The following ILRUN variants were observed in gnomAD, a reference collection of about 807,000 sequenced individuals.
ILRUN encodes the protein protein ILRUN.
ILRUN carries 3 observed loss-of-function variants against 33.8 expected under a neutral mutation model. The observed-to-expected ratio is 0.09, with a 90% CI of 0.04 to 0.23. ILRUN has a LOEUF of 0.23. Among genes scored for constraint, ILRUN ranks in the 10% least tolerant of loss-of-function variants. The probability of loss-of-function intolerance (pLI) is 1.00; values close to 1 mark genes in which losing one functional copy is unlikely to be tolerated. For missense variants in ILRUN, 210 were observed against 375.1 expected (o/e 0.56, Z 3.64); for synonymous variants, 124 against 138.9 (o/e 0.89, Z 0.75).
intron 2 of ILRUN, among the ~76,000 whole-genome samples, chr6:34,648,184 T>C (rs1762596584): frequency 6.6e-6 from 1 of 152,208 alleles, no homozygotes; most frequent in Admixed American, 6.5e-5. Context: ...AACTTCTATA[T>C]ATCTTTTTTT....
chr6:34,655,584 G>T (rs529880829), intron 1 of ILRUN, among the ~76,000 whole-genome samples: 77 of 152,212 alleles, frequency 5.1e-4, no homozygotes, highest in African/African-American at 1.8e-3. Context: ...CCACTATACA[G>T]ATGGATCATC....
At chr6:34,692,875 C>T (rs966372098) in intron 1 of ILRUN, among the ~76,000 whole-genome samples, 2 of 151,796 alleles carry the variant, frequency 1.3e-5, no homozygotes, top group South Asian at 4.2e-4. Context: ...GCACATTACC[C>T]GTCTGACATG....
rs922111621 is a variant in ILRUN at position 34,637,698 on chromosome 6, A to G, written c.511+8903T>C. On this transcript the variant is annotated intron_variant, in intron 3 of 4. Coordinates refer to ENST00000374023, the MANE Select transcript of ILRUN (RefSeq NM_024294.4). The stretch of plus-strand genomic sequence containing the variant: ...ATGCTTTACTGCCTAGACATTCAAT[A>G]TCTTGCTAATTACTATACTTTACAA... Among the ~76,000 whole-genome samples the G allele has an allele frequency of 3.9e-5, 6 of 152,306 alleles. No individual in the cohort carries two copies. In the East Asian group the frequency reaches 5.8e-4, roughly 15 times the overall value.
intron 1 of ILRUN, among the ~76,000 whole-genome samples, chr6:34,655,290 T>C (rs1241345203): frequency 2.6e-5 from 4 of 152,182 alleles, no homozygotes; most frequent in Non-Finnish European, 4.4e-5. Flanking sequence ...AGCTTCACTT[T>C]TTAAAATAAA....
intron 4 of ILRUN, among the ~76,000 whole-genome samples, chr6:34,598,935 GT>G (rs1267255844): frequency 6.6e-6 from 1 of 152,188 alleles, no homozygotes; most frequent in East Asian, 1.9e-4. Context: ...GGTACACAGT[GT>G]GCTAATCTGC....
At chr6:34,624,331 T>C (rs187821235) in intron 3 of ILRUN, among the ~76,000 whole-genome samples, 1 of 152,200 alleles carries the variant, frequency 6.6e-6, no homozygotes, top group Non-Finnish European at 1.5e-5. Context: ...TTTTTATTTT[T>C]TTATTTTTTT....
At chr6:34,695,614 A>G (rs1382095159) in intron 1 of ILRUN, among the ~76,000 whole-genome samples, 1 of 152,152 alleles carries the variant, frequency 6.6e-6, no homozygotes, top group Non-Finnish European at 1.5e-5. Context: ...TCTTTCAGAT[A>G]AGCCCCTCTC....
Position 34,696,596 on chromosome 6 carries a change from C to T in ILRUN, c.8G>A (p.Gly3Asp). ...CTCCGGGTCCAGGTCTACGTCCATG[C>T]CCTCCATGGCGGGGACCGGACACCC... MEGMDVDLDPELM... is the reference protein window; with the variant it reads MEDMDVDLDPELM... Residue 3 changes from glycine to aspartate, a missense_variant, in exon 1 of 5, where the codon GGC (glycine) becomes GAC (aspartate). Transcript: ENST00000374023. 3 of 1,607,236 alleles carry T rather than the reference C, an allele frequency of 1.9e-6. No individual in the cohort carries two copies. Among genetic ancestry groups the T allele is most frequent in the Non-Finnish European group, 2.5e-6 (3 of 1,178,206 alleles).
chr6:34,684,780 C>T (rs1763479679), intron 1 of ILRUN, among the ~76,000 whole-genome samples: 1 of 152,212 alleles, frequency 6.6e-6, no homozygotes, highest in South Asian at 2.1e-4. Context: ...CAAAAGTTTA[C>T]GTGGGAATGA....
chr6:34,630,630 C>T (rs1291465562), intron 3 of ILRUN, among the ~76,000 whole-genome samples: 1 of 152,186 alleles, frequency 6.6e-6, no homozygotes, highest in African/African-American at 2.4e-5. Flanking sequence ...GATCCGCCCG[C>T]CTTGGCCTCC....
intron 2 of ILRUN, among the ~76,000 whole-genome samples, chr6:34,648,641 C>T (rs1762603520): frequency 6.6e-6 from 1 of 152,120 alleles, no homozygotes; most frequent in South Asian, 2.1e-4. Context: ...GCCTATTTGT[C>T]TTACAACAAG....
At position 34,662,124 on chromosome 6, in the gene ILRUN, CAAAAAAAAAAAAAAAAAAA is replaced by C. The variant is rs57423564; in HGVS notation, c.159-7364_159-7346del. 5.2e-3 allele frequency among the ~76,000 whole-genome samples: 206 copies of C among 39,998 alleles called. 1 individual carries two copies. Among genetic ancestry groups the C allele is most frequent in the African/African-American group, 0.012 (190 of 15,260 alleles). The allele number at this position is 39,998 out of a possible 152,430, so 26.2% of individuals were successfully genotyped here. ...TGGGCGACAGAGCGAGACTCCGTCT[CAAAAAAAAAAAAAAAAAAA>C]AAAAAAAAAAAAATTAGCTGGGCGT... On this transcript the variant is annotated intron_variant, in intron 1 of 4. Coordinates refer to ENST00000374023, the MANE Select transcript of ILRUN (RefSeq NM_024294.4).
chr6:34,632,918 TAA>T (rs1399056977), intron 3 of ILRUN, among the ~76,000 whole-genome samples: 2 of 152,182 alleles, frequency 1.3e-5, no homozygotes, highest in African/African-American at 2.4e-5. Flanking sequence ...ACAAAACATA[TAA>T]TAAAGTGGTA....
At chr6:34,603,868 T>C (rs9469814) in intron 4 of ILRUN, among the ~76,000 whole-genome samples, 24,360 of 152,124 alleles carry the variant, frequency 0.16, 2,636 homozygotes, top group African/African-American at 0.3. Flanking sequence ...CACAGATGTA[T>C]GAATATTTAC....
intron 1 of ILRUN, among the ~76,000 whole-genome samples, chr6:34,673,906 C>CACAT (rs1226868328): frequency 7.0e-6 from 1 of 142,142 alleles, no homozygotes; most frequent in African/African-American, 2.7e-5. Flanking sequence ...CAACCACATA[C>CACAT]ACACACACAC....
rs1259759815 is a variant in ILRUN, at chr6:34,588,974, A to G, written c.*1591T>C. On this transcript the variant is annotated 3_prime_UTR_variant, in exon 5 of 5. Transcript: ENST00000374023. ...CCAGGCTATATGACTCCTTGCAGCC[A>G]CTCATTACCTGGTCTCCCTGCCTGT... 6.6e-6 allele frequency: 1 copy of G among 152,580 alleles called. No individual in the cohort carries two copies. The highest frequency in any genetic ancestry group is 1.5e-5 in the Non-Finnish European group (1 of 68,052). 9.5% of individuals were successfully genotyped at this position (152,580 alleles called of 1,614,324 possible).
intron 3 of ILRUN, among the ~76,000 whole-genome samples, chr6:34,609,152 G>A (rs1185978449): frequency 2.0e-5 from 3 of 152,186 alleles, no homozygotes; most frequent in Admixed American, 6.5e-5. Context: ...AACTCTCTCA[G>A]GCTGTGTTTA....
chr6:34,626,164 A>G (rs1762123642), intron 3 of ILRUN, among the ~76,000 whole-genome samples: 1 of 151,778 alleles, frequency 6.6e-6, no homozygotes. Context: ...GGCATTTTTT[A>G]ACAGATTCCT....
chr6:34,624,285 C>G (rs1302569974), intron 3 of ILRUN, among the ~76,000 whole-genome samples: 2 of 152,038 alleles, frequency 1.3e-5, no homozygotes, highest in East Asian at 3.9e-4. Context: ...ACTAGAAAGT[C>G]AAATTCTAGA....
Sources: gnomAD v4.1 joint callset for allele counts (sites outside exome capture counted in the v4.1 genomes callset) on GRCh38, gnomAD v4.1.1 for gene constraint, MANE v1.5 for transcripts, NCBI Gene and HGNC (gene_info 2026-07-23, HGNC 2026-07-21) for gene names.